KIAA1958: variants seen among roughly 807,000 people sequenced by gnomAD.
The protein encoded by KIAA1958 is KIAA1958.
Under a neutral mutation model 47.2 loss-of-function variants are expected in KIAA1958, and 14 were observed. The observed-to-expected ratio is 0.30, with a 90% confidence interval of 0.20 to 0.46. The LOEUF is 0.46. Among genes scored for constraint, KIAA1958 ranks in the 20% least tolerant of loss-of-function variants. The pLI is 1.00. For missense variants in KIAA1958, 803 were observed against 909.2 expected, an observed-to-expected ratio of 0.88 and a Z score of 1.50; for synonymous variants, 354 against 353.3, an observed-to-expected ratio of 1.00 and a Z score of -0.02.
chr9:112,608,999 T>A (rs1238035075), intron 2 of KIAA1958, among the ~76,000 whole-genome samples: 1 of 152,216 alleles, frequency 6.6e-6, no homozygotes, highest in East Asian at 1.9e-4. Context: ...AAGGAGATAC[T>A]GAAATAGTCT....
chr9:112,632,120 T>C (rs1836720035), intron 2 of KIAA1958, among the ~76,000 whole-genome samples: 1 of 152,162 alleles, frequency 6.6e-6, no homozygotes, highest in Non-Finnish European at 1.5e-5. Flanking sequence ...TGCAAAACTT[T>C]AAGTCCCATG....
intron 1 of KIAA1958, among the ~76,000 whole-genome samples, chr9:112,487,647 C>T (rs575741215): frequency 2.6e-5 from 4 of 152,114 alleles, no homozygotes; most frequent in Admixed American, 2.6e-4. Flanking sequence ...TGTGAAGGAA[C>T]GTGCATGGCT....
intron 1 of KIAA1958, among the ~76,000 whole-genome samples, chr9:112,564,050 T>G (rs1375896270): frequency 6.6e-6 from 1 of 152,184 alleles, no homozygotes; most frequent in Non-Finnish European, 1.5e-5. Context: ...TGTAAAGGAT[T>G]TTTACATCAA....
chr9:112,642,036 A>G (rs1836899156), intron 2 of KIAA1958, among the ~76,000 whole-genome samples: 1 of 152,190 alleles, frequency 6.6e-6, no homozygotes, highest in Non-Finnish European at 1.5e-5. Context: ...CTGTCATGCT[A>G]CTGGTTTTCC....
At chr9:112,534,243 A>G (rs1354827456) in intron 1 of KIAA1958, among the ~76,000 whole-genome samples, 1 of 152,236 alleles carries the variant, frequency 6.6e-6, no homozygotes, top group Non-Finnish European at 1.5e-5. Context: ...ATCCATGCGT[A>G]TATCTTGTCA....
chr9:112,505,146 T>C (rs1236171231), intron 1 of KIAA1958, among the ~76,000 whole-genome samples: 1 of 152,190 alleles, frequency 6.6e-6, no homozygotes, highest in Non-Finnish European at 1.5e-5. Context: ...GATACTTGTT[T>C]TTTTGTGCCT....
intron 1 of KIAA1958, among the ~76,000 whole-genome samples, chr9:112,533,166 G>A (rs1025387742): frequency 3.3e-5 from 5 of 151,948 alleles, no homozygotes; most frequent in African/African-American, 9.7e-5. Context: ...TTTAAGTAAT[G>A]CGTCAGTGAG....
At position 112,618,507 on chromosome 9, in the gene KIAA1958, C is replaced by T. The variant is rs1047036335; in HGVS notation, c.1172-27143C>T. 3.9e-6 allele frequency: 6 copies of T among 1,550,592 alleles called. No homozygotes were observed. Among genetic ancestry groups the T allele is most frequent in the Admixed American group, 3.9e-5 (2 of 50,984 alleles). On this transcript the variant is annotated intron_variant, in intron 2 of 3. Coordinates refer to ENST00000337530, the MANE Select transcript of KIAA1958 (RefSeq NM_133465.4). This position sits in a 1 kb window ranked among gnomAD's most constrained non-coding sequence, Gnocchi z 7.1. Reference sequence around the variant, plus strand: ...AAAACCAAGAGAGGGGGGACAGACTCCCGTGTGTATGCCACCCAGCACGCC... The same window carrying T: ...AAAACCAAGAGAGGGGGGACAGACTTCCGTGTGTATGCCACCCAGCACGCC...
At chr9:112,607,818 G>T (rs1249121236) in intron 2 of KIAA1958, among the ~76,000 whole-genome samples, 2 of 150,952 alleles carry the variant, frequency 1.3e-5, no homozygotes, top group African/African-American at 4.9e-5. Flanking sequence ...CTGACCATTG[G>T]CTTTTCTAAG....
At chr9:112,575,606 C>T (rs553226487) in intron 2 of KIAA1958, among the ~76,000 whole-genome samples, 2 of 152,114 alleles carry the variant, frequency 1.3e-5, no homozygotes, top group East Asian at 1.9e-4. Context: ...TGTTTAGTTG[C>T]TGTTTGAAGC....
chr9:112,663,781 C>T lies in KIAA1958; in HGVS notation c.*3712C>T, dbSNP rs1837315674. The T allele has an allele frequency of 6.6e-6, 1 of 152,162 alleles. No homozygotes were observed. The highest frequency in any genetic ancestry group is 2.4e-5 in the African/African-American group (1 of 41,438). 9.4% of individuals were successfully genotyped at this position (152,162 alleles called of 1,614,324 possible). Reference sequence around the variant, plus strand: ...TGGATTTTATGCTACATTAATTTGCCCTGGCTGATAAATGGTGTTTGAAGA... The same window carrying T: ...TGGATTTTATGCTACATTAATTTGCTCTGGCTGATAAATGGTGTTTGAAGA... On this transcript the variant is annotated 3_prime_UTR_variant, in exon 4 of 4. Transcript: ENST00000337530.
chr9:112,619,556 G>C (rs980785322), intron 2 of KIAA1958, among the ~76,000 whole-genome samples: 3 of 151,910 alleles, frequency 2.0e-5, no homozygotes, highest in African/African-American at 7.3e-5. Context: ...TTTTCTTTTT[G>C]GGGGGAAAGG....
intron 2 of KIAA1958, among the ~76,000 whole-genome samples, chr9:112,578,565 G>A (rs1489100551): frequency 6.6e-6 from 1 of 152,122 alleles, no homozygotes; most frequent in Non-Finnish European, 1.5e-5. Flanking sequence ...ATTTTGTTTG[G>A]TTTTACTGTT....
chr9:112,622,674 T>C (rs1836530031), intron 2 of KIAA1958, among the ~76,000 whole-genome samples: 1 of 152,236 alleles, frequency 6.6e-6, no homozygotes, highest in Admixed American at 6.5e-5. Context: ...TCACTGCCTG[T>C]TCTACAAAAG....
intron 1 of KIAA1958, among the ~76,000 whole-genome samples, chr9:112,517,421 A>G (rs763531549): frequency 6.6e-6 from 1 of 152,226 alleles, no homozygotes; most frequent in Non-Finnish European, 1.5e-5. Flanking sequence ...ACTTCAGTCT[A>G]TACCGTGTAC....
At chr9:112,527,026 G>A (rs970346681) in intron 1 of KIAA1958, among the ~76,000 whole-genome samples, 2 of 152,066 alleles carry the variant, frequency 1.3e-5, no homozygotes, top group African/African-American at 2.4e-5. Context: ...CTTAACTTTC[G>A]AGTAGATAAT....
chr9:112,608,925 A>G (rs920769374), intron 2 of KIAA1958, among the ~76,000 whole-genome samples: 2 of 152,246 alleles, frequency 1.3e-5, no homozygotes, highest in Admixed American at 1.3e-4. Flanking sequence ...AGTTATAACA[A>G]CAGTGATAAC....
At chr9:112,556,771 C>A (rs1835249110) in intron 1 of KIAA1958, among the ~76,000 whole-genome samples, 1 of 152,218 alleles carries the variant, frequency 6.6e-6, no homozygotes, top group Non-Finnish European at 1.5e-5. Flanking sequence ...GACCCCTCCC[C>A]TCTCTGAATC....
At chr9:112,510,770 G>A (rs1834314322) in intron 1 of KIAA1958, among the ~76,000 whole-genome samples, 1 of 151,986 alleles carries the variant, frequency 6.6e-6, no homozygotes, top group South Asian at 2.1e-4. Context: ...GGGGGCATAG[G>A]GAGTGCCAGG....
Sources: allele counts gnomAD v4.1 joint callset (sites outside exome capture counted in the v4.1 genomes callset), GRCh38; gene constraint gnomAD v4.1.1; non-coding constraint Gnocchi (gnomAD v3.1); transcripts MANE v1.5; gene names NCBI Gene and HGNC (gene_info 2026-07-23, HGNC 2026-07-21).